The following ADGRE1 variants were observed in gnomAD, a reference collection of about 807,000 sequenced individuals.
ADGRE1 encodes the protein adhesion G protein-coupled receptor E1.
Under a neutral mutation model 102.7 loss-of-function variants are expected in ADGRE1, and 82 were observed. That is an observed-to-expected ratio of 0.80 (90% confidence interval 0.67 to 0.96). The LOEUF is 0.96. ADGRE1 is among the 40% of genes least tolerant of loss of function. ADGRE1 has a pLI of 0.00. For missense variants in ADGRE1, 1,032 were observed against 1,085.3 expected (o/e 0.95, Z 0.69); for synonymous variants, 398 against 399.6 (o/e 1.00, Z 0.05).
chr19:6,916,996 G>A (rs1204820606), intron 12 of ADGRE1, among the ~76,000 whole-genome samples: 2 of 152,120 alleles, frequency 1.3e-5, no homozygotes, highest in African/African-American at 4.8e-5. Context: ...ATCTGTGTCA[G>A]GGATGGCAAA....
chr19:6,922,407 A>C (rs12975999), intron 14 of ADGRE1, among the ~76,000 whole-genome samples: 31,618 of 151,600 alleles, frequency 0.21, 3,358 homozygotes, highest in South Asian at 0.24. Context: ...TGAGGTCAAG[A>C]GATCGAGACC....
Position 6,916,278 on chromosome 19 carries a change from T to G in ADGRE1, c.1330T>G (p.Cys444Gly), listed in dbSNP as rs773753594. 1 of 1,613,436 alleles carries G rather than the reference T, an allele frequency of 6.2e-7. No individual in the cohort carries two copies. Among genetic ancestry groups the G allele is most frequent in the Non-Finnish European group, 8.5e-7 (1 of 1,179,584 alleles). ...TGAGAGCAAAGTTATCAACAAAGAA[T>G]GCAGTGAAGAGAATGTGACGTTGGA... ...DIESKVINKE[C>G]SEENVTLDLV... Residue 444 changes from cysteine (C) to glycine (G), a missense_variant, in exon 12 of 21, where the codon TGC (cysteine) becomes GGC (glycine). Cys to Gly is a radical substitution (Grantham distance 159). Coordinates refer to ENST00000312053, the MANE Select transcript of ADGRE1 (RefSeq NM_001974.5).
intron 1 of ADGRE1, among the ~76,000 whole-genome samples, chr19:6,888,051 T>TAAAA (rs1373868185): frequency 8.5e-5 from 13 of 152,184 alleles, no homozygotes; most frequent in Admixed American, 2.0e-4. Context: ...GTCACAACAT[T>TAAAA]TCTATGACAT....
At chr19:6,922,648 AC>A (rs1328780548) in intron 14 of ADGRE1, among the ~76,000 whole-genome samples, 8 of 151,698 alleles carry the variant, frequency 5.3e-5, no homozygotes, top group African/African-American at 1.9e-4. Context: ...ACACACACAC[AC>A]ACACACACAA....
chr19:6,913,464 G>C (rs934655393), intron 10 of ADGRE1, among the ~76,000 whole-genome samples, 189 bp from the exon 11 acceptor site: 2 of 152,232 alleles, frequency 1.3e-5, no homozygotes, highest in East Asian at 3.9e-4. Context: ...ACAAGTGTGA[G>C]CCACTGCACC....
chr19:6,940,305 TG>T lies in ADGRE1; in HGVS notation c.*277del. ...GAGAACAGACCCAAATTCAATGGCA[TG>T]ACCAAGAACACCTGGCTACCATTTT... On this transcript the variant is annotated 3_prime_UTR_variant, in exon 21 of 21. Transcript: ENST00000312053. 1 of 547,998 alleles carries T rather than the reference TG, an allele frequency of 1.8e-6. No homozygotes were observed. The highest frequency in any genetic ancestry group is 3.3e-6 in the Non-Finnish European group (1 of 306,670). The allele number at this position is 547,998 out of a possible 1,614,324, so 33.9% of individuals were successfully genotyped here. A position where few individuals can be genotyped will look rare whatever the true frequency, so the allele number is the denominator to read the frequency against.
intron 2 of ADGRE1, among the ~76,000 whole-genome samples, chr19:6,893,779 G>A (rs1180405069): frequency 6.6e-6 from 1 of 152,138 alleles, no homozygotes; most frequent in East Asian, 1.9e-4. Flanking sequence ...AAACTTGGTC[G>A]CTTAAAACAA....
intron 18 of ADGRE1, 140 bp downstream of exon 18, chr19:6,935,218 A>G: frequency 2.2e-6 from 1 of 462,524 alleles, no homozygotes; most frequent in Non-Finnish European, 3.6e-6. Flanking sequence ...CACACCATCT[A>G]GATCTGGAGG....
chr19:6,912,518 C>G (rs1974243693), intron 10 of ADGRE1, among the ~76,000 whole-genome samples: 1 of 152,132 alleles, frequency 6.6e-6, no homozygotes. Context: ...ATTTTTATTT[C>G]TATATGCCAG....
chr19:6,917,116 T>C (rs766261109), intron 12 of ADGRE1, among the ~76,000 whole-genome samples: 20 of 152,112 alleles, frequency 1.3e-4, no homozygotes, highest in Non-Finnish European at 2.5e-4. Context: ...ATAGACAATA[T>C]GAATATGAAT....
At chr19:6,927,622 G>A (rs995531736) in intron 16 of ADGRE1, among the ~76,000 whole-genome samples, 5 of 152,062 alleles carry the variant, frequency 3.3e-5, no homozygotes, top group Non-Finnish European at 5.9e-5. Flanking sequence ...CTCAGAGGAG[G>A]TGACATTTGA....
intron 10 of ADGRE1, among the ~76,000 whole-genome samples, chr19:6,910,504 TG>T (rs1974131983): frequency 1.3e-5 from 2 of 152,106 alleles, no homozygotes; most frequent in South Asian, 4.1e-4. Flanking sequence ...CAAGTCTAAT[TG>T]CTTTTTGCAA....
At chr19:6,888,478 T>C (rs1973227813) in intron 1 of ADGRE1, among the ~76,000 whole-genome samples, 1 of 152,196 alleles carries the variant, frequency 6.6e-6, no homozygotes, top group Non-Finnish European at 1.5e-5. Context: ...GGTCATTGGA[T>C]CAAATTTAAG....
Position 6,911,385 on chromosome 19 carries a change from G to GTTTTTTTTTTTTTTTTTTTTTTT in ADGRE1, c.1123-2248_1123-2247insTTTTTTTTTTTTTTTTTTTTTTT, listed in dbSNP as rs772959056. On this transcript the variant is annotated intron_variant, in intron 10 of 20. Transcript: ENST00000312053. ...TTTATTAGGTTCTGGATTCCTTTTA[G>GTTTTTTTTTTTTTTTTTTTTTTT]TTTTTTTTTTTTTTTTTTTTGCTTG... 1.1e-4 allele frequency among the ~76,000 whole-genome samples: 9 copies of GTTTTTTTTTTTTTTTTTTTTTTT among 79,844 alleles called. 1 individual carries two copies. Among genetic ancestry groups the GTTTTTTTTTTTTTTTTTTTTTTT allele is most frequent in the Admixed American group, 1.9e-4 (1 of 5,398 alleles). 52.4% of individuals were successfully genotyped at this position (79,844 alleles called of 152,430 possible). A position where few individuals can be genotyped will look rare whatever the true frequency, so the allele number is the denominator to read the frequency against.
rs796269100 is a variant in ADGRE1 at position 6,900,888 on chromosome 19, G to A, written c.515-987G>A. Among the ~76,000 whole-genome samples, 39 of 152,270 alleles carry A rather than the reference G, an allele frequency of 2.6e-4. 1 individual carries two copies. Among genetic ancestry groups the A allele is most frequent in the Non-Finnish European group, 3.5e-4 (24 of 68,020 alleles). ...TAAAAACAACCACCATATATTTAGC[G>A]CTTGATTCCATGAGTTGACATTTTA... On this transcript the variant is annotated intron_variant, in intron 5 of 20. Coordinates refer to ENST00000312053, the MANE Select transcript of ADGRE1 (RefSeq NM_001974.5).
Position 6,916,372 on chromosome 19 carries a change from C to T in ADGRE1, c.1420+4C>T, listed in dbSNP as rs756734888. On this transcript the variant is annotated splice_donor_region_variant and intron_variant, in intron 12 of 20. Transcript: ENST00000312053. ...ATTGAGGAATCTGAATCCACAGGTA[C>T]AGGTCCTCTCCTGAGAATGCAGGTT... 1.2e-6 allele frequency: 2 copies of T among 1,611,882 alleles called. No homozygotes were observed. The highest frequency in any genetic ancestry group is 4.5e-5 in the East Asian group (2 of 44,818).
intron 10 of ADGRE1, 79 bp downstream of exon 10, chr19:6,908,851 T>A (rs1193989351): frequency 1.5e-6 from 2 of 1,351,976 alleles, no homozygotes; most frequent in African/African-American, 2.9e-5. Context: ...GATGTCTTTA[T>A]GGCTGGGCGT....
chr19:6,926,505 A>G lies in ADGRE1; in HGVS notation c.2126A>G (p.Lys709Arg). 2 of 1,614,244 alleles carry G rather than the reference A, an allele frequency of 1.2e-6. No individual in the cohort carries two copies. The highest frequency in any genetic ancestry group is 1.1e-5 in the South Asian group (1 of 91,088). ...AATTACTTCAGCTCTCGCAACATCA[A>G]GATGCTGCACATCTGTGCCTTTGGT... is the stretch of plus-strand genomic sequence containing the variant. ...VVNYFSSRNIKMLHICAFGYG... is the reference protein window; with the variant it reads ...VVNYFSSRNIRMLHICAFGYG... Residue 709 changes from lysine to arginine, a missense_variant, in exon 16 of 21, where the codon AAG (lysine) becomes AGG (arginine). By Grantham distance (26) the Lys-to-Arg change is conservative. Transcript: ENST00000312053.
intron 10 of ADGRE1, among the ~76,000 whole-genome samples, chr19:6,908,990 C>T (rs549425216): frequency 5.3e-5 from 8 of 151,896 alleles, no homozygotes; most frequent in Admixed American, 1.3e-4. Context: ...AGAACTTAGC[C>T]GGGCATGGTG....
Sources: gnomAD v4.1 joint callset for allele counts (sites outside exome capture counted in the v4.1 genomes callset) on GRCh38, gnomAD v4.1.1 for gene constraint, MANE v1.5 for transcripts, NCBI Gene and HGNC (gene_info 2026-07-23, HGNC 2026-07-21) for gene names.